Variants in FIGN observed in about 807,000 individuals in gnomAD.
FIGN encodes the protein fidgetin.
Under a neutral mutation model 51.3 loss-of-function variants are expected in FIGN, and 11 were observed. That is an observed-to-expected ratio of 0.21 (90% CI 0.13 to 0.35). The LOEUF (loss-of-function observed/expected upper bound fraction) is 0.35. FIGN is among the 10% of genes least tolerant of loss of function. The probability of loss-of-function intolerance (pLI) is 1.00; values close to 1 mark genes in which losing one functional copy is unlikely to be tolerated. For missense variants in FIGN, 857 were observed against 943.6 expected (o/e 0.91, Z 1.20); for synonymous variants, 407 against 363.2 (o/e 1.12, Z -1.37).
intron 2 of FIGN, among the ~76,000 whole-genome samples, chr2:163,663,369 T>C (rs900422760): frequency 1.3e-5 from 2 of 151,866 alleles, no homozygotes; most frequent in Non-Finnish European, 2.9e-5. Flanking sequence ...AGTTTTGCTC[T>C]TGTTGCCCAG....
intron 2 of FIGN, among the ~76,000 whole-genome samples, chr2:163,649,146 AAG>A (rs1189786008): frequency 1.3e-5 from 2 of 152,336 alleles, no homozygotes; most frequent in East Asian, 3.9e-4. Context: ...GAATTATAAA[AAG>A]AATTCTCCTG....
At position 163,725,070 on chromosome 2, in the gene FIGN, T is replaced by C. The variant is rs140173971; in HGVS notation, c.25+9833A>G. ...CTCGAACTTGTGCCTCCTTCCCCTA[T>C]TCCTACATGTTGTCCATGACAACAA... On this transcript the variant is annotated intron_variant, in intron 2 of 2. Transcript: ENST00000333129. Among the ~76,000 whole-genome samples the C allele has an allele frequency of 8.7e-3, 1,325 of 152,198 alleles. 19 individuals carry two copies. Among genetic ancestry groups the C allele is most frequent in the African/African-American group, 0.031 (1,268 of 41,536 alleles).
At chr2:163,699,566 T>C (rs1684375907) in intron 2 of FIGN, among the ~76,000 whole-genome samples, 1 of 152,098 alleles carries the variant, frequency 6.6e-6, no homozygotes, top group Non-Finnish European at 1.5e-5. Flanking sequence ...AGAACATCTT[T>C]CCAAAAAAAT....
rs1558993607 is a variant in FIGN, at chr2:163,610,323, T to C, written c.1509A>G (p.Leu503=). 16 of 1,614,118 alleles carry C rather than the reference T, an allele frequency of 9.9e-6. No individual in the cohort carries two copies. Among genetic ancestry groups the C allele is most frequent in the Non-Finnish European group, 1.4e-5 (16 of 1,180,018 alleles). The change falls in exon 3 of 3, where the codon TTA becomes TTG. Residue 503 remains leucine, a synonymous_variant. Coordinates refer to ENST00000333129, the MANE Select transcript of FIGN (RefSeq NM_018086.4). ...LVKAVIKEEV[L]WPVLRSDAFS... is the part of the protein sequence containing the mutation. ...ACGCGTCTGACCTCAACACTGGCCA[T>C]AAAACCTCCTCTTTAATGACAGCCT... is the stretch of plus-strand genomic sequence containing the variant.
chr2:163,672,000 C>T (rs1447495757), intron 2 of FIGN, among the ~76,000 whole-genome samples: 1 of 152,114 alleles, frequency 6.6e-6, no homozygotes, highest in East Asian at 1.9e-4. Flanking sequence ...TGGCAAGGCT[C>T]TAGAAATGCC....
At chr2:163,648,696 CT>C (rs1683421951) in intron 2 of FIGN, among the ~76,000 whole-genome samples, 1 of 152,174 alleles carries the variant, frequency 6.6e-6, no homozygotes, top group Admixed American at 6.5e-5. Flanking sequence ...CAAAAATTAA[CT>C]ACCTGAATAA....
intron 2 of FIGN, among the ~76,000 whole-genome samples, chr2:163,689,912 A>C (rs1684211810): frequency 6.6e-6 from 1 of 152,166 alleles, no homozygotes. Context: ...TAAAACCACA[A>C]GTGTAACTAG....
At chr2:163,702,062 C>T (rs1030246143) in intron 2 of FIGN, among the ~76,000 whole-genome samples, 1 of 152,082 alleles carries the variant, frequency 6.6e-6, no homozygotes, top group Non-Finnish European at 1.5e-5. Context: ...TGAATATCTA[C>T]CAACACAAAT....
At chr2:163,660,271 T>A (rs991262593) in intron 2 of FIGN, among the ~76,000 whole-genome samples, 6 of 152,162 alleles carry the variant, frequency 3.9e-5, no homozygotes, top group Admixed American at 3.3e-4. Flanking sequence ...CAAACTTTCA[T>A]AATAATATTC....
chr2:163,719,810 G>A (rs1421837774), intron 2 of FIGN, among the ~76,000 whole-genome samples: 1 of 152,092 alleles, frequency 6.6e-6, no homozygotes, highest in Non-Finnish European at 1.5e-5. Flanking sequence ...AGGGATGGGG[G>A]AAGTTATTCA....
intron 2 of FIGN, among the ~76,000 whole-genome samples, chr2:163,724,004 G>A (rs1315695702): frequency 6.6e-6 from 1 of 152,110 alleles, no homozygotes; most frequent in Admixed American, 6.5e-5. Context: ...GACTAGCAAG[G>A]TCCAAGTTAC....
At position 163,610,519 on chromosome 2, in the gene FIGN, A is replaced by G; in HGVS notation, c.1313T>C (p.Leu438Pro). 1 of 1,614,144 alleles carries G rather than the reference A, an allele frequency of 6.2e-7. No homozygotes were observed. The highest frequency in any genetic ancestry group is 8.5e-7 in the Non-Finnish European group (1 of 1,180,020). The change falls in exon 3 of 3, where the codon CTC becomes CCC. Residue 438 changes from leucine (L) to proline (P), a missense_variant. By Grantham distance (98) the Leu-to-Pro change is moderately conservative. This residue lies in a region of FIGN where 799 missense variants were observed against 849.5 expected (regional missense o/e 0.94). Transcript: ENST00000333129. Reference protein sequence around the residue: ...SEHGDEHRQLLSHPMQGPGLR... With the variant: ...SEHGDEHRQLPSHPMQGPGLR... ...TCCAGGGCCTTGCATTGGGTGAGAG[A>G]GGAGCTGCCTGTGCTCGTCCCCATG... is the stretch of plus-strand genomic sequence containing the variant.
At chr2:163,648,996 A>T (rs1265263335) in intron 2 of FIGN, among the ~76,000 whole-genome samples, 1 of 152,206 alleles carries the variant, frequency 6.6e-6, no homozygotes, top group African/African-American at 2.4e-5. Context: ...ATATAAAAAC[A>T]TACTGTATTT....
In FIGN at chr2:163,735,991, G is replaced by C. The variant is rs1439889444; in HGVS notation, c.-299C>G. On this transcript the variant is annotated 5_prime_UTR_variant, in exon 1 of 3. Transcript: ENST00000333129. ...ACGGACTGCAGCCTCTGCCATGTTG[G>C]AATTTCAAACCCAAAACAGCTGCTT... The C allele has an allele frequency of 3.9e-5, 6 of 152,674 alleles. No individual in the cohort carries two copies. 9.5% of individuals were successfully genotyped at this position (152,674 alleles called of 1,614,324 possible).
At chr2:163,724,960 G>A (rs1219691223) in intron 2 of FIGN, among the ~76,000 whole-genome samples, 1 of 151,976 alleles carries the variant, frequency 6.6e-6, no homozygotes, top group African/African-American at 2.4e-5. Flanking sequence ...TAATATTAGG[G>A]TTTAATTTAC....
At position 163,608,412 on chromosome 2, in the gene FIGN, T is replaced by A. The variant is rs1574221299; in HGVS notation, c.*1140A>T. On this transcript the variant is annotated 3_prime_UTR_variant, in exon 3 of 3. Transcript: ENST00000333129. ...AGAATGACACCATTCCCAGCAGTTTTAAGAGATAACTTGCAAACTACCACC... is the reference window on the plus strand; with the variant it reads ...AGAATGACACCATTCCCAGCAGTTTAAAGAGATAACTTGCAAACTACCACC... The A allele has an allele frequency of 6.5e-6, 1 of 152,816 alleles. No individual in the cohort carries two copies. The highest frequency in any genetic ancestry group is 6.5e-5 in the Admixed American group (1 of 15,292). 9.5% of individuals were successfully genotyped at this position (152,816 alleles called of 1,614,324 possible).
Position 163,611,409 on chromosome 2 carries a change from T to G in FIGN, c.423A>C (p.Pro141=). The stretch of plus-strand genomic sequence containing the variant: ...TTCCTATACTCGCAGAGACATCTGC[T>G]GGAGGGAGGGCTGAACTGACTCCAG... ...SKAGVSSALP[P]ADVSASIGSS... Residue 141 remains proline (P), a synonymous_variant, in exon 3 of 3, where the codon CCA becomes CCC. Coordinates refer to ENST00000333129, the MANE Select transcript of FIGN (RefSeq NM_018086.4). 1 of 1,614,098 alleles carries G rather than the reference T, an allele frequency of 6.2e-7. No homozygotes were observed. The highest frequency in any genetic ancestry group is 8.5e-7 in the Non-Finnish European group (1 of 1,180,004).
At chr2:163,732,176 T>C (rs773432360) in intron 2 of FIGN, among the ~76,000 whole-genome samples, 47 of 152,186 alleles carry the variant, frequency 3.1e-4, no homozygotes, top group Non-Finnish European at 5.6e-4. Flanking sequence ...CAAGAACACA[T>C]AGCATGTTTA....
intron 2 of FIGN, among the ~76,000 whole-genome samples, chr2:163,732,032 C>T (rs1442516559): frequency 6.6e-6 from 1 of 152,166 alleles, no homozygotes; most frequent in Non-Finnish European, 1.5e-5. Context: ...AAAGAAGAAA[C>T]ACTTCTTTCC....
Sources: gnomAD v4.1 joint callset for allele counts (sites outside exome capture counted in the v4.1 genomes callset) on GRCh38, gnomAD v4.1.1 for gene constraint, gnomAD v4.1.1 regional missense constraint, MANE v1.5 for transcripts, NCBI Gene and HGNC (gene_info 2026-07-23, HGNC 2026-07-21) for gene names.